The following PCLO variants were observed in gnomAD, a reference collection of about 807,000 sequenced individuals.
The protein encoded by PCLO is piccolo presynaptic cytomatrix protein, also known as protein piccolo.
In PCLO, 82 loss-of-function variants were observed where a neutral mutation model predicts 427.5. The ratio of observed to expected loss-of-function variants is 0.19; its 90% CI spans 0.16 to 0.23. PCLO has a LOEUF of 0.23. Among genes scored for constraint, PCLO ranks in the 10% least tolerant of loss-of-function variants. PCLO has a pLI of 1.00. For missense variants in PCLO, 6,239 were observed against 6,115.9 expected, an observed-to-expected ratio of 1.02 and a Z score of -0.67; for synonymous variants, 2,357 against 2,155.4, an observed-to-expected ratio of 1.09 and a Z score of -2.59.
At chr7:82,862,514 A>G (rs1465416017) in intron 10 of PCLO, among the ~76,000 whole-genome samples, 1 of 149,340 alleles carries the variant, frequency 6.7e-6, no homozygotes, top group Admixed American at 6.7e-5. Context: ...ATTTATTGCT[A>G]CACTGTTTAC....
chr7:82,760,587 A>T, intron 24 of PCLO, 52 bp downstream of exon 24: 2 of 1,205,286 alleles, frequency 1.7e-6, no homozygotes, highest in Non-Finnish European at 2.3e-6. Context: ...GATAAAAATA[A>T]ATACAATATG....
At chr7:82,869,735 C>T (rs77456637) in intron 10 of PCLO, among the ~76,000 whole-genome samples, 2,586 of 151,818 alleles carry the variant, frequency 0.017, 95 homozygotes, top group African/African-American at 0.059. Flanking sequence ...AGTAATAATA[C>T]ACTATTCAAA....
chr7:83,082,397 T>C (rs1790124054), intron 3 of PCLO, among the ~76,000 whole-genome samples: 1 of 151,712 alleles, frequency 6.6e-6, no homozygotes, highest in African/African-American at 2.4e-5. Flanking sequence ...AATTAATTTA[T>C]AGATTCAAGT....
At chr7:83,068,739 G>T (rs1324503819) in intron 3 of PCLO, among the ~76,000 whole-genome samples, 1 of 152,080 alleles carries the variant, frequency 6.6e-6, no homozygotes, top group Non-Finnish European at 1.5e-5. Flanking sequence ...ATTAAAAATA[G>T]AACTACCACA....
At chr7:82,977,125 C>A (rs576793767) in intron 3 of PCLO, among the ~76,000 whole-genome samples, 4 of 152,082 alleles carry the variant, frequency 2.6e-5, no homozygotes, top group African/African-American at 9.6e-5. Context: ...CAGAACAGTG[C>A]CAATATTATC....
intron 3 of PCLO, among the ~76,000 whole-genome samples, chr7:83,026,285 A>C (rs1583924135): frequency 6.6e-6 from 1 of 152,286 alleles, no homozygotes; most frequent in Middle Eastern, 3.4e-3. Flanking sequence ...GGAAAACAAA[A>C]AAAGGCAGGG....
At chr7:83,040,798 G>T (rs1469444524) in intron 3 of PCLO, among the ~76,000 whole-genome samples, 1 of 151,970 alleles carries the variant, frequency 6.6e-6, no homozygotes, top group East Asian at 1.9e-4. Flanking sequence ...TTTCTCCCCC[G>T]CAGGCAAAAT....
intron 22 of PCLO, among the ~76,000 whole-genome samples, chr7:82,767,152 A>G (rs1019921952): frequency 6.6e-6 from 1 of 152,156 alleles, no homozygotes; most frequent in Non-Finnish European, 1.5e-5. Context: ...ACAACAAAAA[A>G]CCATCACACA....
chr7:82,966,087 G>A lies in PCLO; in HGVS notation c.3701C>T (p.Pro1234Leu). Residue 1234 changes from proline to leucine, a missense_variant, in exon 4 of 25, where the codon CCA (proline) becomes CTA (leucine). Pro to Leu is a moderately conservative substitution (Grantham distance 98). Coordinates refer to ENST00000333891, the MANE Select transcript of PCLO (RefSeq NM_033026.6). ...GGTTGGCTTTTTTTCTTCTAGGAGTGGCTTTTTTTCTTCAGAACGTATCTT... is the reference window on the plus strand; with the variant it reads ...GGTTGGCTTTTTTTCTTCTAGGAGTAGCTTTTTTTCTTCAGAACGTATCTT... ...EEKIRSEEKK[P>L]LLEEKKPTPE... The A allele has an allele frequency of 6.2e-7, 1 of 1,611,602 alleles. No individual in the cohort carries two copies. Among genetic ancestry groups the A allele is most frequent in the Non-Finnish European group, 8.5e-7 (1 of 1,179,394 alleles).
chr7:83,030,257 G>C (rs1164287407), intron 3 of PCLO, among the ~76,000 whole-genome samples: 1 of 151,884 alleles, frequency 6.6e-6, no homozygotes, highest in South Asian at 2.1e-4. Flanking sequence ...ACTGTGTATA[G>C]AGCAGAGAGC....
At chr7:82,801,992 G>GT (rs1016209226) in intron 21 of PCLO, among the ~76,000 whole-genome samples, 4 of 151,484 alleles carry the variant, frequency 2.6e-5, no homozygotes, top group African/African-American at 4.8e-5. Context: ...AGTTATTCCA[G>GT]TTTTTTTGGT....
intron 3 of PCLO, among the ~76,000 whole-genome samples, chr7:83,078,729 A>C (rs1790021009): frequency 6.6e-6 from 1 of 151,948 alleles, no homozygotes; most frequent in Non-Finnish European, 1.5e-5. Flanking sequence ...ACGGGGTTTC[A>C]CCACGTTGCC....
At chr7:82,774,742 C>T (rs1420708522) in intron 22 of PCLO, among the ~76,000 whole-genome samples, 2 of 152,130 alleles carry the variant, frequency 1.3e-5, no homozygotes, top group Non-Finnish European at 2.9e-5. Context: ...TACAATGACA[C>T]ATGATACATC....
intron 16 of PCLO, among the ~76,000 whole-genome samples, chr7:82,835,376 A>C (rs1429276285): frequency 6.6e-6 from 1 of 152,200 alleles, no homozygotes; most frequent in Non-Finnish European, 1.5e-5. Context: ...GTTTTAGTGA[A>C]TAGATTATGA....
At chr7:83,089,161 A>G (rs2116430629) in intron 3 of PCLO, among the ~76,000 whole-genome samples, 1 of 152,224 alleles carries the variant, frequency 6.6e-6, no homozygotes, top group African/African-American at 2.4e-5. Flanking sequence ...ACATACATAC[A>G]CACATATATG....
At position 82,953,717 on chromosome 7, in the gene PCLO, G is replaced by GGGAGGGGGA. The variant is rs1562880159; in HGVS notation, c.7227_7235dup (p.Pro2424_Pro2426dup). 1.3e-5 allele frequency: 13 copies of GGGAGGGGGA among 976,798 alleles called. No homozygotes were observed. The highest frequency in any genetic ancestry group is 4.6e-5 in the Admixed American group (2 of 43,938). The allele number at this position is 976,798 out of a possible 1,614,324, so 60.5% of individuals were successfully genotyped here. On this transcript the variant is annotated inframe_insertion, in exon 5 of 25. Coordinates refer to ENST00000333891, the MANE Select transcript of PCLO (RefSeq NM_033026.6). ...GTGGTGGTGGAGGAGGAGGAGGAGG[G>GGGAGGGGGA]GGAGGGGGAGGAGGGGGAGGAGGTT...
At position 83,155,749 on chromosome 7, in the gene PCLO, G is replaced by T; in HGVS notation, c.892C>A (p.Leu298Met). ...ATAGGTGGTTTGGATGGGCTTGGCA[G>T]TGAGGGTTTAACTGATTCTCCCCTT... ...IVRGESVKPS[L>M]PSPSKPPIQQ... The change falls in exon 2 of 25, where the codon CTG (leucine) becomes ATG (methionine). Residue 298 changes from leucine (L) to methionine (M), a missense_variant. Leu to Met is a conservative substitution (Grantham distance 15). Around this residue, in one of 5 missense-constraint regions of PCLO, gnomAD observed 4,677 missense variants for 4,468.4 expected, o/e 1.05. Coordinates refer to ENST00000333891, the MANE Select transcript of PCLO (RefSeq NM_033026.6). 2.5e-6 allele frequency: 4 copies of T among 1,613,968 alleles called. No homozygotes were observed. The highest frequency in any genetic ancestry group is 2.5e-6 in the Non-Finnish European group (3 of 1,179,864).
At position 83,162,741 on chromosome 7, in the gene PCLO, C is replaced by T; in HGVS notation, c.-149G>A. 9.7e-7 allele frequency: 1 copy of T among 1,031,076 alleles called. No individual in the cohort carries two copies. 63.9% of individuals were successfully genotyped at this position (1,031,076 alleles called of 1,614,324 possible). A position where few individuals can be genotyped will look rare whatever the true frequency, so the allele number is the denominator to read the frequency against. On this transcript the variant is annotated 5_prime_UTR_variant, in exon 1 of 25. Coordinates refer to ENST00000333891, the MANE Select transcript of PCLO (RefSeq NM_033026.6). ...GGACTCTGGACCAGGCACTGCCGCCCGGAACGCCAGGCAGGGGTTAGTCCC... is the reference window on the plus strand; with the variant it reads ...GGACTCTGGACCAGGCACTGCCGCCTGGAACGCCAGGCAGGGGTTAGTCCC...
intron 5 of PCLO, 58 bp from the exon 6 acceptor site, chr7:82,951,548 T>C: frequency 3.4e-6 from 4 of 1,184,640 alleles, no homozygotes; most frequent in Middle Eastern, 2.0e-4. Flanking sequence ...CTTTTTGAGT[T>C]TGAAAACCCT....
Sources: gnomAD v4.1 joint callset for allele counts (sites outside exome capture counted in the v4.1 genomes callset) on GRCh38, gnomAD v4.1.1 for gene constraint, gnomAD v4.1.1 regional missense constraint, MANE v1.5 for transcripts, NCBI Gene and HGNC (gene_info 2026-07-23, HGNC 2026-07-21) for gene names.